SPMAP2L: variants seen among roughly 807,000 people sequenced by gnomAD.
SPMAP2L encodes sperm microtubule associated protein 2 like.
chr4:56,570,584 G>A, the SPMAP2L span, among the ~76,000 whole-genome samples: 1 of 152,236 alleles, frequency 6.6e-6, no homozygotes, highest in East Asian at 1.9e-4. Flanking sequence ...CACCTGAATA[G>A]GACATTCACT....
chr4:56,585,240 C>T, the SPMAP2L span, among the ~76,000 whole-genome samples: 1 of 152,178 alleles, frequency 6.6e-6, no homozygotes, highest in African/African-American at 2.4e-5. Flanking sequence ...GATTCTGGGT[C>T]TGGTTTTCAG....
chr4:56,608,358 C>A, the SPMAP2L span, among the ~76,000 whole-genome samples: 1 of 152,132 alleles, frequency 6.6e-6, no homozygotes, highest in Non-Finnish European at 1.5e-5. Flanking sequence ...AGAGAGAACA[C>A]CAAGAGTGTG....
chr4:56,551,447 A>G, the SPMAP2L span, among the ~76,000 whole-genome samples: 2 of 152,186 alleles, frequency 1.3e-5, no homozygotes, highest in African/African-American at 4.8e-5. Flanking sequence ...TCTCTATCAC[A>G]TAGCAAGTTT....
chr4:56,590,908 A>G, the SPMAP2L span, among the ~76,000 whole-genome samples: 1 of 152,068 alleles, frequency 6.6e-6, no homozygotes, highest in Non-Finnish European at 1.5e-5. Context: ...TCGTACAAAG[A>G]GGTAGGATCT....
chr4:56,548,373 T>A, the SPMAP2L span, among the ~76,000 whole-genome samples: 1 of 152,194 alleles, frequency 6.6e-6, no homozygotes. Context: ...GTTTTTCTTA[T>A]AATCTGTACA....
the SPMAP2L span, among the ~76,000 whole-genome samples, chr4:56,624,367 G>C: frequency 6.6e-6 from 1 of 152,222 alleles, no homozygotes; most frequent in African/African-American, 2.4e-5. Flanking sequence ...CAGTAGAAAA[G>C]AAAAGCCCAT....
chr4:56,605,826 C>T, the SPMAP2L span, among the ~76,000 whole-genome samples: 2 of 152,136 alleles, frequency 1.3e-5, no homozygotes, highest in Non-Finnish European at 2.9e-5. Context: ...AACATAAAAC[C>T]TTGAGTTCGT....
chr4:56,563,573 T>C, the SPMAP2L span, among the ~76,000 whole-genome samples: 3 of 152,132 alleles, frequency 2.0e-5, no homozygotes, highest in South Asian at 2.1e-4. Flanking sequence ...GATGAAGATA[T>C]TATTATTTAC....
chr4:56,593,470 G>A, the SPMAP2L span: 5 of 1,592,072 alleles, frequency 3.1e-6, no homozygotes, highest in African/African-American at 1.3e-5. Flanking sequence ...GGAGGGGAAG[G>A]TGGAAGACTT....
chr4:56,580,569 G>A, the SPMAP2L span, among the ~76,000 whole-genome samples: 2 of 151,858 alleles, frequency 1.3e-5, no homozygotes, highest in Admixed American at 6.6e-5. Context: ...AACAAGCAAA[G>A]TTGTCAGCTC....
the SPMAP2L span, among the ~76,000 whole-genome samples, chr4:56,551,180 G>C: frequency 1.3e-5 from 2 of 152,170 alleles, no homozygotes; most frequent in Non-Finnish European, 2.9e-5. Context: ...GCCCATTAAA[G>C]AGCTCAGGCA....
At chr4:56,604,441 C>T in the SPMAP2L span, among the ~76,000 whole-genome samples, 5 of 152,154 alleles carry the variant, frequency 3.3e-5, no homozygotes, top group South Asian at 2.1e-4. Context: ...AGATGGATCA[C>T]GAGGTCAGGG....
the SPMAP2L span, among the ~76,000 whole-genome samples, chr4:56,596,811 A>G: frequency 0.35 from 52,808 of 152,034 alleles, 10,303 homozygotes; most frequent in East Asian, 0.51. Flanking sequence ...AGAACACCAA[A>G]AGCATGGGCT....
the SPMAP2L span, among the ~76,000 whole-genome samples, chr4:56,575,814 T>C: frequency 1.2e-4 from 19 of 152,234 alleles, no homozygotes; most frequent in Non-Finnish European, 2.2e-4. Flanking sequence ...CAGAAGTTCA[T>C]CTTCGGTAAT....
the SPMAP2L span, among the ~76,000 whole-genome samples, chr4:56,595,889 C>T: frequency 6.6e-6 from 1 of 152,148 alleles, no homozygotes; most frequent in Non-Finnish European, 1.5e-5. Context: ...TGGAGGGAGT[C>T]GAAGCTGATG....
At chr4:56,556,986 C>A in the SPMAP2L span, among the ~76,000 whole-genome samples, 13 of 151,962 alleles carry the variant, frequency 8.6e-5, no homozygotes, top group Admixed American at 2.6e-4. Context: ...TGGTGGCTCA[C>A]GCCTGTAATT....
chr4:56,579,702 A>C, the SPMAP2L span, among the ~76,000 whole-genome samples: 2 of 152,194 alleles, frequency 1.3e-5, no homozygotes, highest in Non-Finnish European at 2.9e-5. Flanking sequence ...CCAGGTGGTC[A>C]AGGATGCAGT....
the SPMAP2L span, among the ~76,000 whole-genome samples, chr4:56,582,809 A>G: frequency 6.6e-6 from 1 of 152,220 alleles, no homozygotes; most frequent in South Asian, 2.1e-4. Context: ...ACTGGCAACA[A>G]TTCAAATGTT....
At chr4:56,592,232 A>T in the SPMAP2L span, among the ~76,000 whole-genome samples, 1 of 152,168 alleles carries the variant, frequency 6.6e-6, no homozygotes, top group Admixed American at 6.5e-5. Flanking sequence ...TTCATCCCTA[A>T]ACCATCCTTT....
Sources: gnomAD v4.1 joint callset for allele counts (sites outside exome capture counted in the v4.1 genomes callset) on GRCh38, gnomAD v4.1.1 for gene constraint, MANE v1.5 for transcripts, NCBI Gene and HGNC (gene_info 2026-07-23, HGNC 2026-07-21) for gene names.